VAX2: variants seen among roughly 807,000 people sequenced by gnomAD.
The protein encoded by VAX2 is ventral anterior homeobox 2.
VAX2 carries 8 observed loss-of-function variants against 12.5 expected under a neutral mutation model. The ratio of observed to expected loss-of-function variants is 0.64; its 90% CI spans 0.37 to 1.15. The LOEUF (loss-of-function observed/expected upper bound fraction) is 1.15. Ranked by LOEUF, VAX2 falls within the 50% of genes most tolerant of loss-of-function variation. VAX2 has a pLI of 0.01. For synonymous variants in VAX2, 183 were observed against 187.6 expected (o/e 0.98, Z 0.20); for missense variants, 476 against 412.9 (o/e 1.15, Z -1.32).
At chr2:70,911,753 G>A (rs191421947) in intron 1 of VAX2, among the ~76,000 whole-genome samples, 17 of 151,974 alleles carry the variant, frequency 1.1e-4, no homozygotes, top group South Asian at 2.1e-4. Context: ...TAATTTGTTC[G>A]GTTTCCCACT....
intron 2 of VAX2, among the ~76,000 whole-genome samples, chr2:70,923,699 G>C (rs1679510231): frequency 6.6e-6 from 1 of 152,236 alleles, no homozygotes; most frequent in Non-Finnish European, 1.5e-5. Flanking sequence ...ACACGAGTGA[G>C]GAAGAGCCAG....
At chr2:70,920,779 A>G (rs1051084781) in intron 1 of VAX2, among the ~76,000 whole-genome samples, 5 of 151,886 alleles carry the variant, frequency 3.3e-5, no homozygotes, top group African/African-American at 1.2e-4. Context: ...TATTTTTCCC[A>G]TCTGTTCCTT....
At chr2:70,912,790 G>T (rs1340279797) in intron 1 of VAX2, among the ~76,000 whole-genome samples, 2 of 152,184 alleles carry the variant, frequency 1.3e-5, no homozygotes, top group African/African-American at 2.4e-5. Flanking sequence ...AGGGGCACCA[G>T]AGGTCAGAAG....
chr2:70,926,585 G>T (rs1028037241), intron 2 of VAX2, among the ~76,000 whole-genome samples: 3 of 152,110 alleles, frequency 2.0e-5, no homozygotes, highest in Admixed American at 2.0e-4. Flanking sequence ...CTCCCCTGGG[G>T]TAAAATACAG....
At chr2:70,910,300 C>A (rs1324322865) in intron 1 of VAX2, among the ~76,000 whole-genome samples, 1 of 152,024 alleles carries the variant, frequency 6.6e-6, no homozygotes, top group African/African-American at 2.4e-5. Flanking sequence ...TGAAATTTGT[C>A]ATAATAAACT....
chr2:70,900,835 G>A lies in VAX2; in HGVS notation c.214G>A (p.Glu72Lys), dbSNP rs1486035052. The A allele has an allele frequency of 2.1e-6, 3 of 1,462,694 alleles. No individual in the cohort carries two copies. The highest frequency in any genetic ancestry group is 1.3e-5 in the South Asian group (1 of 74,156). The allele number at this position is 1,462,694 out of a possible 1,614,324, so 90.6% of individuals were successfully genotyped here. A position where few individuals can be genotyped will look rare whatever the true frequency, so the allele number is the denominator to read the frequency against. The change falls in exon 1 of 3, where the codon GAG (glutamate) becomes AAG (lysine). Residue 72 changes from glutamate to lysine, a missense_variant. Coordinates refer to ENST00000234392, the MANE Select transcript of VAX2 (RefSeq NM_012476.3). ...ADSDGQPGPG[E>K]ADHCRRILVR... The stretch of plus-strand genomic sequence containing the variant: ...CAGCGACGGGCAGCCCGGGCCCGGC[G>A]AGGCAGACCACTGCCGCCGCATACT...
intron 2 of VAX2, 74 bp from the exon 3 acceptor site, chr2:70,932,681 CTTCCTCTCCTTT>C: frequency 6.0e-6 from 5 of 834,484 alleles, no homozygotes; most frequent in Non-Finnish European, 5.2e-6. Context: ...ACCCCATGCC[CTTCCTCTCCTTT>C]CCTCCTCCCA....
In VAX2 at chr2:70,901,300, G is replaced by A. The variant is rs1328224168; in HGVS notation, c.247+432G>A. 2.0e-5 allele frequency among the ~76,000 whole-genome samples: 3 copies of A among 152,274 alleles called. No homozygotes were observed. The South Asian group carries it at 6.2e-4, about 31-fold the overall frequency. On this transcript the variant is annotated intron_variant, in intron 1 of 2. Transcript: ENST00000234392. ...GGGAGGAAAAGGCCCCGGCTCTGCA[G>A]GGCGGCCGGGGTGCTTCCTCGCCTC...
chr2:70,910,062 T>C (rs1679149028), intron 1 of VAX2, among the ~76,000 whole-genome samples: 1 of 152,100 alleles, frequency 6.6e-6, no homozygotes, highest in Admixed American at 6.6e-5. Context: ...GGAATAATTG[T>C]CGATTTTTAT....
At position 70,932,808 on chromosome 2, in the gene VAX2, A is replaced by T; in HGVS notation, c.477A>T (p.Lys159Asn). Residue 159 changes from lysine (K) to asparagine (N), a missense_variant, in exon 3 of 3, where the codon AAA becomes AAT. Coordinates refer to ENST00000234392, the MANE Select transcript of VAX2 (RefSeq NM_012476.3). ...WFQNRRTKQK[K>N]DQSRDLEKRA... Reference sequence around the variant, plus strand: ...AGAACCGCCGCACCAAGCAGAAGAAAGACCAGAGCAGAGACCTGGAGAAGC... The same window carrying T: ...AGAACCGCCGCACCAAGCAGAAGAATGACCAGAGCAGAGACCTGGAGAAGC... 1 of 1,603,288 alleles carries T rather than the reference A, an allele frequency of 6.2e-7. No individual in the cohort carries two copies. Among genetic ancestry groups the T allele is most frequent in the Non-Finnish European group, 8.5e-7 (1 of 1,174,274 alleles).
intron 2 of VAX2, among the ~76,000 whole-genome samples, chr2:70,924,065 G>A (rs1679518017): frequency 6.6e-6 from 1 of 152,166 alleles, no homozygotes; most frequent in South Asian, 2.1e-4. Flanking sequence ...GGAGGCTGAG[G>A]TGGGAGGATT....
rs372164857 is a variant in VAX2, at chr2:70,933,117, C to T, written c.786C>T (p.Tyr262=). 1.4e-4 allele frequency: 218 copies of T among 1,608,596 alleles called. No individual in the cohort carries two copies. Among genetic ancestry groups the T allele is most frequent in the Non-Finnish European group, 1.6e-4 (194 of 1,177,862 alleles). Residue 262 remains tyrosine (Y), a synonymous_variant, in exon 3 of 3, where the codon TAC becomes TAT. Coordinates refer to ENST00000234392, the MANE Select transcript of VAX2 (RefSeq NM_012476.3). Reference sequence around the variant, plus strand: ...CGCTCCTGGATCTGCCTGCCGGCTACGAACTGGGTTCCTCGGCCTTCGAGC... The same window carrying T: ...CGCTCCTGGATCTGCCTGCCGGCTATGAACTGGGTTCCTCGGCCTTCGAGC... ...SAPLLDLPAG[Y]ELGSSAFEPY...
At position 70,904,533 on chromosome 2, in the gene VAX2, G is replaced by T. The variant is rs940670986; in HGVS notation, c.247+3665G>T. On this transcript the variant is annotated intron_variant, in intron 1 of 2. Coordinates refer to ENST00000234392, the MANE Select transcript of VAX2 (RefSeq NM_012476.3). The surrounding 1 kb of genome is among the most constrained non-coding windows in gnomAD (Gnocchi z 4.2). The stretch of plus-strand genomic sequence containing the variant: ...ACACAGCAACTTTTACAGACAATGC[G>T]TGGCGTCCGTTCCTGCTCACCCAAA... 2.0e-5 allele frequency among the ~76,000 whole-genome samples: 3 copies of T among 152,170 alleles called. No homozygotes were observed. Among genetic ancestry groups the T allele is most frequent in the Middle Eastern group, 3.2e-3 (1 of 316 alleles).
intron 2 of VAX2, among the ~76,000 whole-genome samples, chr2:70,927,097 G>A (rs1329103127): frequency 6.6e-6 from 1 of 152,202 alleles, no homozygotes; most frequent in Non-Finnish European, 1.5e-5. Flanking sequence ...TGACAGCCAA[G>A]AGGGTCAAAA....
chr2:70,911,432 G>A (rs1456172573), intron 1 of VAX2, among the ~76,000 whole-genome samples: 3 of 152,002 alleles, frequency 2.0e-5, no homozygotes, highest in Admixed American at 1.3e-4. Context: ...TATCAACTAC[G>A]CCAACGTTTC....
chr2:70,905,368 T>G (rs1553410459), intron 1 of VAX2, among the ~76,000 whole-genome samples: 1 of 152,200 alleles, frequency 6.6e-6, no homozygotes, highest in Non-Finnish European at 1.5e-5. Context: ...TTTACGTTAT[T>G]TTTTCCTTTT....
chr2:70,932,799 G>A lies in VAX2; in HGVS notation c.468G>A (p.Lys156=). 6.3e-7 allele frequency: 1 copy of A among 1,596,242 alleles called. No homozygotes were observed. ...TCTGGTTCCAGAACCGCCGCACCAA[G>A]CAGAAGAAAGACCAGAGCAGAGACC... is the stretch of plus-strand genomic sequence containing the variant. ...VKVWFQNRRT[K]QKKDQSRDLE... is the part of the protein sequence containing the mutation. The change falls in exon 3 of 3, where the codon AAG becomes AAA. Residue 156 remains lysine, a synonymous_variant. Coordinates refer to ENST00000234392, the MANE Select transcript of VAX2 (RefSeq NM_012476.3).
chr2:70,909,796 G>A (rs969113591), intron 1 of VAX2, among the ~76,000 whole-genome samples: 2 of 151,988 alleles, frequency 1.3e-5, no homozygotes, highest in Non-Finnish European at 2.9e-5. Flanking sequence ...TATTTAACTA[G>A]TCCTCTATTA....
At chr2:70,927,988 G>T (rs1553413781) in intron 2 of VAX2, among the ~76,000 whole-genome samples, 1 of 152,202 alleles carries the variant, frequency 6.6e-6, no homozygotes, top group African/African-American at 2.4e-5. Flanking sequence ...ACCCTGTGAA[G>T]TCGGCTAGGA....
Sources: gnomAD v4.1 joint callset for allele counts (sites outside exome capture counted in the v4.1 genomes callset) on GRCh38, gnomAD v4.1.1 for gene constraint, Gnocchi (gnomAD v3.1) non-coding constraint, MANE v1.5 for transcripts, NCBI Gene and HGNC (gene_info 2026-07-23, HGNC 2026-07-21) for gene names.